The following RALYL variants were observed in gnomAD, a reference collection of about 807,000 sequenced individuals.
RALYL encodes the protein RALY RNA binding protein like.
A neutral mutation model predicts 35.1 loss-of-function variants in RALYL; 29 were observed. The observed-to-expected ratio is 0.83, with a 90% CI of 0.61 to 1.13. RALYL has a LOEUF of 1.13. Ranked by LOEUF, RALYL falls within the 50% of genes most tolerant of loss-of-function variation. The pLI is 0.00. For missense variants in RALYL, 359 were observed against 360.4 expected, an observed-to-expected ratio of 1.00 and a Z score of 0.03; for synonymous variants, 120 against 127.6, an observed-to-expected ratio of 0.94 and a Z score of 0.40.
intron 1 of RALYL, among the ~76,000 whole-genome samples, chr8:84,456,235 G>T (rs2050119258): frequency 6.6e-6 from 1 of 152,032 alleles, no homozygotes; most frequent in Non-Finnish European, 1.5e-5. Flanking sequence ...AAAAGTTTTT[G>T]AATACATTAA....
chr8:84,887,546 A>C, intron 7 of RALYL, 58 bp from the exon 8 acceptor site: 1 of 1,485,476 alleles, frequency 6.7e-7, no homozygotes, highest in East Asian at 2.3e-5. Context: ...TTCATGGTTT[A>C]TCCAAATGGC....
intron 1 of RALYL, among the ~76,000 whole-genome samples, chr8:84,287,340 ATCG>A: frequency 2.1e-5 from 3 of 140,708 alleles, no homozygotes; most frequent in East Asian, 2.1e-4. Flanking sequence ...GATCATTGAA[ATCG>A]TCAAAATCAC....
intron 2 of RALYL, among the ~76,000 whole-genome samples, chr8:84,610,317 G>A (rs188672892): frequency 5.5e-4 from 83 of 151,994 alleles, no homozygotes; most frequent in African/African-American, 1.9e-3. Flanking sequence ...GAGGAATACT[G>A]GTCAGGTGTT....
intron 4 of RALYL, among the ~76,000 whole-genome samples, chr8:84,809,186 C>A (rs912580179): frequency 3.9e-5 from 6 of 151,972 alleles, no homozygotes; most frequent in African/African-American, 1.4e-4. Flanking sequence ...GAGTTTTAAC[C>A]ATAAAAGGAT....
At chr8:84,654,842 T>C (rs1829644256) in intron 2 of RALYL, among the ~76,000 whole-genome samples, 2 of 152,286 alleles carry the variant, frequency 1.3e-5, no homozygotes, top group South Asian at 4.1e-4. Flanking sequence ...TTATGGGCTC[T>C]TCAGCTGCTT....
At chr8:84,418,041 A>G (rs764413656) in intron 1 of RALYL, among the ~76,000 whole-genome samples, 9 of 152,170 alleles carry the variant, frequency 5.9e-5, no homozygotes, top group Non-Finnish European at 1.0e-4. Flanking sequence ...TACAAATTCA[A>G]TCTGTAATGC....
At chr8:84,331,863 G>C (rs1050541663) in intron 1 of RALYL, among the ~76,000 whole-genome samples, 1 of 152,154 alleles carries the variant, frequency 6.6e-6, no homozygotes, top group Non-Finnish European at 1.5e-5. Flanking sequence ...TGATGGTTCA[G>C]AGTAAATATT....
intron 2 of RALYL, among the ~76,000 whole-genome samples, chr8:84,573,072 GT>G (rs1184812186): frequency 1.3e-5 from 2 of 150,424 alleles, no homozygotes; most frequent in Non-Finnish European, 3.0e-5. Flanking sequence ...ACCTTTTATT[GT>G]TTTTTCCTAT....
At chr8:84,741,293 C>T (rs1589292693) in intron 2 of RALYL, among the ~76,000 whole-genome samples, 1 of 152,040 alleles carries the variant, frequency 6.6e-6, no homozygotes, top group East Asian at 1.9e-4. Context: ...CTGCTCATCA[C>T]TCCATTCCTC....
chr8:84,789,119 C>G (rs1286236731), intron 3 of RALYL, among the ~76,000 whole-genome samples: 1 of 152,154 alleles, frequency 6.6e-6, no homozygotes, highest in African/African-American at 2.4e-5. Context: ...GACAGAAAAA[C>G]AGGAGACACA....
chr8:84,397,413 C>T (rs2042447727), intron 1 of RALYL, among the ~76,000 whole-genome samples: 1 of 152,082 alleles, frequency 6.6e-6, no homozygotes, highest in Admixed American at 6.5e-5. Context: ...TCTGTTGTGA[C>T]AATTTAACAA....
intron 1 of RALYL, among the ~76,000 whole-genome samples, chr8:84,372,553 C>T (rs923164665): frequency 1.3e-5 from 2 of 151,884 alleles, no homozygotes; most frequent in African/African-American, 4.8e-5. Flanking sequence ...GCCCTCACAG[C>T]ATAGGGATAC....
intron 7 of RALYL, among the ~76,000 whole-genome samples, chr8:84,877,917 T>C (rs186093447): frequency 2.6e-5 from 4 of 152,276 alleles, no homozygotes; most frequent in South Asian, 2.1e-4. Context: ...CGGTTAAAGA[T>C]GATGAATTAA....
At chr8:84,904,908 A>C (rs1028668603) in intron 8 of RALYL, among the ~76,000 whole-genome samples, 4 of 152,092 alleles carry the variant, frequency 2.6e-5, no homozygotes, top group Non-Finnish European at 5.9e-5. Flanking sequence ...TTAGTTTTTA[A>C]ATGGGAGAAT....
chr8:84,697,121 T>C (rs1839301765), intron 2 of RALYL, among the ~76,000 whole-genome samples: 1 of 151,974 alleles, frequency 6.6e-6, no homozygotes, highest in Admixed American at 6.6e-5. Flanking sequence ...TGAATTCTAT[T>C]AATATATAAT....
chr8:84,547,541 G>A (rs1847344), intron 2 of RALYL, among the ~76,000 whole-genome samples: 56,449 of 151,596 alleles, frequency 0.37, 10,599 homozygotes, highest in South Asian at 0.51. Context: ...TACCACGCCC[G>A]TCTAATCGTT....
chr8:84,890,301 T>G (rs925986098), intron 8 of RALYL, among the ~76,000 whole-genome samples: 1 of 151,988 alleles, frequency 6.6e-6, no homozygotes, highest in African/African-American at 2.4e-5. Context: ...TGGCAGGAGT[T>G]TGAGGGAGTT....
At chr8:84,564,500 A>C (rs2061655940) in intron 2 of RALYL, among the ~76,000 whole-genome samples, 1 of 151,752 alleles carries the variant, frequency 6.6e-6, no homozygotes, top group Non-Finnish European at 1.5e-5. Flanking sequence ...ATAGCCATTC[A>C]GAATTTTTAA....
At chr8:84,231,634 G>A (rs1215060912) in intron 1 of RALYL, among the ~76,000 whole-genome samples, 4 of 152,040 alleles carry the variant, frequency 2.6e-5, no homozygotes, top group Admixed American at 6.6e-5. Context: ...TATTTCTTGG[G>A]TTAGATGAAC....
Sources: gnomAD v4.1 joint callset for allele counts (sites outside exome capture counted in the v4.1 genomes callset) on GRCh38, gnomAD v4.1.1 for gene constraint, MANE v1.5 for transcripts, NCBI Gene and HGNC (gene_info 2026-07-23, HGNC 2026-07-21) for gene names.